EYS: variants seen among roughly 807,000 people sequenced by gnomAD.
The protein encoded by EYS is protein eyes shut homolog.
In EYS, 250 loss-of-function variants were observed where a neutral mutation model predicts 282.1. The ratio of observed to expected loss-of-function variants is 0.89; its 90% CI spans 0.80 to 0.98. The LOEUF is 0.98. Among genes scored for constraint, EYS ranks in the 50% least tolerant of loss-of-function variants. The probability of loss-of-function intolerance (pLI) is 0.00; values close to 1 mark genes in which losing one functional copy is unlikely to be tolerated. For missense variants in EYS, 4,016 were observed against 3,709.0 expected, an observed-to-expected ratio of 1.08 and a Z score of -2.15; for synonymous variants, 1,355 against 1,282.9, an observed-to-expected ratio of 1.06 and a Z score of -1.20.
chr6:64,913,527 C>T (rs368461990), intron 15 of EYS, among the ~76,000 whole-genome samples: 2 of 152,086 alleles, frequency 1.3e-5, no homozygotes, highest in South Asian at 2.1e-4. Flanking sequence ...TCTGTTTCTG[C>T]ATTAATTCAC....
At chr6:64,204,672 A>G (rs1368526966) in intron 31 of EYS, among the ~76,000 whole-genome samples, 2 of 152,190 alleles carry the variant, frequency 1.3e-5, no homozygotes, top group African/African-American at 2.4e-5. Context: ...AATAGCAAAC[A>G]GTGGATGCTT....
chr6:64,217,363 T>C (rs890069570), intron 31 of EYS, among the ~76,000 whole-genome samples: 1 of 152,114 alleles, frequency 6.6e-6, no homozygotes. Context: ...ACCCCATCTC[T>C]ACTAAAAATA....
intron 31 of EYS, among the ~76,000 whole-genome samples, chr6:64,185,955 CTT>C (rs1764925636): frequency 6.6e-6 from 1 of 152,084 alleles, no homozygotes. Context: ...ATCTAAGGCT[CTT>C]TTCACAACGC....
At chr6:64,987,759 A>G (rs931779421) in intron 14 of EYS, among the ~76,000 whole-genome samples, 2 of 151,494 alleles carry the variant, frequency 1.3e-5, no homozygotes, top group South Asian at 2.1e-4. Context: ...TCCTGGAAAG[A>G]CACACCTCAG....
At chr6:64,104,896 T>C (rs1582275012) in intron 31 of EYS, among the ~76,000 whole-genome samples, 2 of 152,078 alleles carry the variant, frequency 1.3e-5, no homozygotes, top group Non-Finnish European at 2.9e-5. Context: ...CAATTCTCTT[T>C]ATAAACTGTA....
chr6:65,392,933 C>A (rs1271598004), intron 7 of EYS, among the ~76,000 whole-genome samples: 2 of 152,086 alleles, frequency 1.3e-5, no homozygotes, highest in African/African-American at 4.8e-5. Flanking sequence ...AAATGTCCAA[C>A]AATGATAGAC....
At chr6:64,249,115 A>G (rs369701313) in intron 30 of EYS, among the ~76,000 whole-genome samples, 40 of 151,508 alleles carry the variant, frequency 2.6e-4, no homozygotes, top group African/African-American at 7.3e-4. Context: ...TTATCATAGC[A>G]CTATTCACAA....
At chr6:64,970,504 A>G (rs1212679583) in intron 14 of EYS, among the ~76,000 whole-genome samples, 2 of 152,128 alleles carry the variant, frequency 1.3e-5, no homozygotes, top group Non-Finnish European at 2.9e-5. Flanking sequence ...GGCCACTGCA[A>G]TAATTTTATA....
chr6:65,309,377 T>C (rs575006293), intron 11 of EYS, among the ~76,000 whole-genome samples: 114 of 152,266 alleles, frequency 7.5e-4, no homozygotes, highest in Middle Eastern at 3.4e-3. Context: ...CATCTATAGC[T>C]GCCTTAAAGA....
Position 63,903,162 on chromosome 6 carries a change from A to G in EYS, c.7056-38804T>C, listed in dbSNP as rs150085080. ...TGTAGGTGCAGTGGAGGAGAAAGAA[A>G]CACAGATTTGAGGTTATATGGAAGA... On this transcript the variant is annotated intron_variant, in intron 35 of 42. Coordinates refer to ENST00000503581, the MANE Select transcript of EYS (RefSeq NM_001142800.2). 3.4e-4 allele frequency among the ~76,000 whole-genome samples: 52 copies of G among 152,308 alleles called. 1 individual carries two copies. Among genetic ancestry groups the G allele is most frequent in the Middle Eastern group, 6.8e-3 (2 of 294 alleles).
chr6:65,313,708 T>G (rs1261447328), intron 11 of EYS, among the ~76,000 whole-genome samples: 1 of 152,180 alleles, frequency 6.6e-6, no homozygotes, highest in South Asian at 2.1e-4. Flanking sequence ...AGCAAACACC[T>G]GGCCCAGGCC....
At chr6:63,963,559 G>C (rs1232457482) in intron 35 of EYS, among the ~76,000 whole-genome samples, 2 of 152,160 alleles carry the variant, frequency 1.3e-5, no homozygotes, top group African/African-American at 4.8e-5. Flanking sequence ...TTGCTCACAG[G>C]ACCGAGAGGT....
intron 12 of EYS, among the ~76,000 whole-genome samples, chr6:65,283,993 C>T (rs577940994): frequency 1.3e-5 from 2 of 152,166 alleles, no homozygotes; most frequent in African/African-American, 2.4e-5. Flanking sequence ...GATCTAAACT[C>T]GATTGACTGA....
chr6:65,055,191 C>T (rs956343523), intron 13 of EYS, among the ~76,000 whole-genome samples: 8 of 151,978 alleles, frequency 5.3e-5, no homozygotes, highest in Admixed American at 1.3e-4. Context: ...CTATGTTGGC[C>T]ACGCTGGTCT....
chr6:63,765,230 A>C (rs1311774976), intron 40 of EYS, among the ~76,000 whole-genome samples: 2 of 152,084 alleles, frequency 1.3e-5, no homozygotes, highest in East Asian at 3.9e-4. Context: ...TCTACAACAC[A>C]GGAGGCTCCA....
At chr6:64,093,890 T>C (rs951548204) in intron 31 of EYS, among the ~76,000 whole-genome samples, 1 of 152,188 alleles carries the variant, frequency 6.6e-6, no homozygotes, top group Middle Eastern at 3.2e-3. Flanking sequence ...TGGCTGTGGA[T>C]TTGTCATAGA....
intron 31 of EYS, among the ~76,000 whole-genome samples, chr6:64,131,109 TC>T (rs33918360): frequency 0.47 from 71,853 of 151,334 alleles, 18,122 homozygotes; most frequent in African/African-American, 0.67. Context: ...TTCGTGATCC[TC>T]CCCCCCTTGG....
intron 28 of EYS, among the ~76,000 whole-genome samples, chr6:64,431,197 T>G (rs1355194057): frequency 6.6e-6 from 1 of 152,134 alleles, no homozygotes; most frequent in Non-Finnish European, 1.5e-5. Flanking sequence ...GAATCTGTTC[T>G]AGACCTTTCT....
chr6:64,451,850 G>A (rs1180271282), intron 26 of EYS, among the ~76,000 whole-genome samples: 1 of 152,124 alleles, frequency 6.6e-6, no homozygotes, highest in Non-Finnish European at 1.5e-5. Context: ...GTATTGATGG[G>A]ACGTATCTCA....
Sources: allele counts gnomAD v4.1 joint callset (sites outside exome capture counted in the v4.1 genomes callset), GRCh38; gene constraint gnomAD v4.1.1; transcripts MANE v1.5; gene names NCBI Gene and HGNC (gene_info 2026-07-23, HGNC 2026-07-21).